The following SLC14A2 variants were observed in gnomAD, a reference collection of about 807,000 sequenced individuals.
The protein encoded by SLC14A2 is urea transporter 2.
In SLC14A2, 91 loss-of-function variants were observed where a neutral mutation model predicts 104.6. The ratio of observed to expected loss-of-function variants is 0.87; its 90% CI spans 0.73 to 1.04. SLC14A2 has a LOEUF of 1.04. Among genes scored for constraint, SLC14A2 ranks in the 50% least tolerant of loss-of-function variants. The pLI is 0.00. For synonymous variants in SLC14A2, 476 were observed against 466.4 expected (o/e 1.02, Z -0.27); for missense variants, 1,189 against 1,156.0 (o/e 1.03, Z -0.41).
intron 1 of SLC14A2, among the ~76,000 whole-genome samples, chr18:45,264,042 A>T (rs1020668395): frequency 1.3e-5 from 2 of 152,174 alleles, no homozygotes; most frequent in Non-Finnish European, 2.9e-5. Context: ...AAGCATGTGC[A>T]CTATCTTTTC....
intron 2 of SLC14A2, among the ~76,000 whole-genome samples, chr18:45,497,699 G>C (rs2043124681): frequency 1.3e-5 from 2 of 152,182 alleles, no homozygotes; most frequent in Admixed American, 1.3e-4. Context: ...CCATTGAGAA[G>C]GGAGGATTCA....
chr18:45,192,614 TTG>T, the SLC14A2 span, among the ~76,000 whole-genome samples: 18 of 146,562 alleles, frequency 1.2e-4, no homozygotes, highest in African/African-American at 3.5e-4. Context: ...GGTAGTGGTT[TTG>T]TGTGTGTGTG....
At chr18:45,242,254 T>C (rs894796237) in intron 1 of SLC14A2, among the ~76,000 whole-genome samples, 1 of 152,168 alleles carries the variant, frequency 6.6e-6, no homozygotes, top group African/African-American at 2.4e-5. Flanking sequence ...GGGCACTCTC[T>C]TTATGGCTTA....
chr18:45,464,469 T>C (rs761184644), intron 1 of SLC14A2, among the ~76,000 whole-genome samples: 9 of 152,074 alleles, frequency 5.9e-5, no homozygotes, highest in Admixed American at 1.3e-4. Flanking sequence ...TGAAGTCTTG[T>C]GGATGAATTA....
At chr18:45,483,394 T>C (rs1430068895) in intron 2 of SLC14A2, 1 of 152,154 alleles carries the variant, frequency 6.6e-6, no homozygotes, top group African/African-American at 2.4e-5. Context: ...AATTAAACCA[T>C]AAAAAACCGA....
At position 45,396,954 on chromosome 18, in the gene SLC14A2, A is replaced by G. The variant is rs546310131; in HGVS notation, c.-124-86279A>G. ...GTTCCTGCCTTAGTTTGCTAAATGTATTAGCCTCCAGCTCCACCCATGTTT... is the reference window on the plus strand; with the variant it reads ...GTTCCTGCCTTAGTTTGCTAAATGTGTTAGCCTCCAGCTCCACCCATGTTT... On this transcript the variant is annotated intron_variant, in intron 1 of 20. Transcript: ENST00000586448. Among the ~76,000 whole-genome samples, 6 of 152,230 alleles carry G rather than the reference A, an allele frequency of 3.9e-5. No homozygotes were observed. The South Asian group carries it at 8.3e-4, about 21-fold the overall frequency.
intron 1 of SLC14A2, among the ~76,000 whole-genome samples, chr18:45,390,672 A>G (rs1031716135): frequency 5.9e-5 from 9 of 152,140 alleles, no homozygotes; most frequent in Non-Finnish European, 1.3e-4. Flanking sequence ...AAGGGGTACA[A>G]TTTCAGATGG....
At chr18:45,679,139 C>T in intron 19 of SLC14A2, 115 bp downstream of exon 19, 4 of 969,274 alleles carry the variant, frequency 4.1e-6, no homozygotes, top group Non-Finnish European at 6.3e-6. Flanking sequence ...GTTCATCTCC[C>T]TTATTTCAAG....
chr18:45,257,713 G>A (rs1220328031), intron 1 of SLC14A2, among the ~76,000 whole-genome samples: 1 of 152,142 alleles, frequency 6.6e-6, no homozygotes, highest in Non-Finnish European at 1.5e-5. Flanking sequence ...AGTGTGCCCT[G>A]CGGAGAAGGT....
intron 1 of SLC14A2, among the ~76,000 whole-genome samples, chr18:45,480,951 A>T (rs899245941): frequency 2.6e-5 from 4 of 152,094 alleles, no homozygotes; most frequent in African/African-American, 4.8e-5. Flanking sequence ...ATATATTAAG[A>T]CTCACTAAGA....
chr18:45,432,636 C>T (rs901400290), intron 1 of SLC14A2, among the ~76,000 whole-genome samples: 2 of 152,162 alleles, frequency 1.3e-5, no homozygotes, highest in African/African-American at 4.8e-5. Context: ...AATTTTCCAC[C>T]CTGATTTCGG....
chr18:45,452,801 G>C (rs781029983), intron 1 of SLC14A2, among the ~76,000 whole-genome samples: 1 of 152,126 alleles, frequency 6.6e-6, no homozygotes, highest in South Asian at 2.1e-4. Flanking sequence ...ATAGCTACAC[G>C]GCAAAGGCTA....
intron 1 of SLC14A2, among the ~76,000 whole-genome samples, chr18:45,318,490 T>A (rs1488838176): frequency 6.6e-6 from 1 of 152,118 alleles, no homozygotes; most frequent in Non-Finnish European, 1.5e-5. Flanking sequence ...GTATCATTGT[T>A]AAGGAAGACC....
intron 2 of SLC14A2, chr18:45,528,431 T>C (rs1177998570): frequency 6.6e-6 from 1 of 152,146 alleles, no homozygotes; most frequent in East Asian, 1.9e-4. Flanking sequence ...TTACCTGGAC[T>C]AAAGACCTTC....
chr18:45,557,087 C>T (rs996600228), intron 2 of SLC14A2, among the ~76,000 whole-genome samples: 23 of 152,230 alleles, frequency 1.5e-4, no homozygotes, highest in Non-Finnish European at 2.8e-4. Context: ...CAGCCAGCAC[C>T]TTTGCTTGTT....
intron 1 of SLC14A2, among the ~76,000 whole-genome samples, chr18:45,343,917 A>C (rs1043120396): frequency 1.3e-5 from 2 of 152,332 alleles, no homozygotes; most frequent in Admixed American, 6.5e-5. Flanking sequence ...TGATTATATG[A>C]GACCTCAGAC....
At chr18:45,445,492 C>T (rs575360152) in intron 1 of SLC14A2, among the ~76,000 whole-genome samples, 45 of 152,194 alleles carry the variant, frequency 3.0e-4, no homozygotes, top group South Asian at 1.7e-3. Flanking sequence ...AACAAAGATG[C>T]CTACATTTGA....
intron 1 of SLC14A2, among the ~76,000 whole-genome samples, chr18:45,414,673 A>G (rs1027847688): frequency 6.7e-6 from 1 of 149,078 alleles, no homozygotes; most frequent in East Asian, 2.0e-4. Context: ...AAATAATTTT[A>G]TAATTGCATC....
At chr18:45,529,523 A>G (rs888546759) in intron 2 of SLC14A2, 2 of 152,206 alleles carry the variant, frequency 1.3e-5, no homozygotes, top group African/African-American at 2.4e-5. Context: ...TATTATGCCG[A>G]GCGCATATGG....
Sources: allele counts gnomAD v4.1 joint callset (sites outside exome capture counted in the v4.1 genomes callset), GRCh38; gene constraint gnomAD v4.1.1; transcripts MANE v1.5; gene names NCBI Gene and HGNC (gene_info 2026-07-23, HGNC 2026-07-21).